Variants in MCOLN2 observed in about 807,000 individuals in gnomAD.
MCOLN2 encodes the protein mucolipin-2.
In MCOLN2, 57 loss-of-function variants were observed where a neutral mutation model predicts 67.5. The ratio of observed to expected loss-of-function variants is 0.84; its 90% CI spans 0.68 to 1.05. The LOEUF is 1.05. Ranked by LOEUF, MCOLN2 falls within the 50% of genes least tolerant of loss-of-function variation. The pLI is 0.00. For synonymous variants in MCOLN2, 246 were observed against 233.3 expected (o/e 1.05, Z -0.50); for missense variants, 620 against 678.8 (o/e 0.91, Z 0.96).
chr1:84,964,524 A>AGG (rs1649268209), intron 2 of MCOLN2, among the ~76,000 whole-genome samples: 1 of 53,016 alleles, frequency 1.9e-5, no homozygotes. Flanking sequence ...GTGGGGCAGG[A>AGG]GTGGGGGGGG....
chr1:84,982,091 A>ATTTTT (rs1650288536), intron 1 of MCOLN2, among the ~76,000 whole-genome samples: 1 of 146,132 alleles, frequency 6.8e-6, no homozygotes, highest in African/African-American at 2.7e-5. Flanking sequence ...TTTTTTTAAA[A>ATTTTT]AAAAGATGAA....
Position 84,997,047 on chromosome 1 carries a change from G to A in MCOLN2, c.-175C>T, listed in dbSNP as rs930563613. 1.8e-5 allele frequency: 11 copies of A among 613,228 alleles called. No individual in the cohort carries two copies. The highest frequency in any genetic ancestry group is 1.6e-4 in the South Asian group (8 of 50,308). 38.0% of individuals were successfully genotyped at this position (613,228 alleles called of 1,614,324 possible). On this transcript the variant is annotated 5_prime_UTR_variant, in exon 1 of 14. Transcript: ENST00000370608. ...GCGTGGTGCGCGCAGACCCCGGCCC[G>A]AGAGCAGGCGCCGCAGTCGTGGAGT...
chr1:84,956,197 CA>C (rs1359500912), intron 4 of MCOLN2, among the ~76,000 whole-genome samples: 4 of 151,908 alleles, frequency 2.6e-5, no homozygotes, highest in Non-Finnish European at 5.9e-5. Context: ...ACCCCCAAAC[CA>C]ACAATCTTGA....
At chr1:84,996,548 C>T (rs1651166488) in intron 1 of MCOLN2, among the ~76,000 whole-genome samples, 1 of 151,924 alleles carries the variant, frequency 6.6e-6, no homozygotes, top group African/African-American at 2.4e-5. Flanking sequence ...GCAGCGCCAA[C>T]CGGCTGAACT....
chr1:84,996,373 T>C (rs1651147239), intron 1 of MCOLN2, among the ~76,000 whole-genome samples: 1 of 138,862 alleles, frequency 7.2e-6, no homozygotes, highest in South Asian at 2.3e-4. Flanking sequence ...ACACACACAC[T>C]TACACATACG....
chr1:84,931,230 G>A (rs908265863), intron 12 of MCOLN2, 132 bp downstream of exon 12: 22 of 643,100 alleles, frequency 3.4e-5, no homozygotes, highest in East Asian at 1.1e-4. Flanking sequence ...CATCTCCAGC[G>A]TCTAAAAAGT....
chr1:84,927,458 T>C (rs1394033684), intron 13 of MCOLN2, among the ~76,000 whole-genome samples: 1 of 152,218 alleles, frequency 6.6e-6, no homozygotes, highest in Non-Finnish European at 1.5e-5. Context: ...GGTCATCTGG[T>C]CCATCTAAGA....
intron 1 of MCOLN2, among the ~76,000 whole-genome samples, chr1:84,971,545 CG>C (rs1384251679): frequency 6.4e-5 from 9 of 139,878 alleles, no homozygotes; most frequent in Non-Finnish European, 1.2e-4. Context: ...CACACACACA[CG>C]ATATCTTATT....
Position 84,939,652 on chromosome 1 carries a change from G to A in MCOLN2, c.1011C>T (p.Thr337=), listed in dbSNP as rs373459184. The part of the protein sequence containing the change: ...LEKYKRPVCD[T]DQWEFINGWY... Reference sequence around the variant, plus strand: ...AGCCGTTGATGAACTCCCACTGGTCGGTGTCACACACAGGCCGCTTGTACT... The same window carrying A: ...AGCCGTTGATGAACTCCCACTGGTCAGTGTCACACACAGGCCGCTTGTACT... Residue 337 remains threonine, a synonymous_variant, in exon 9 of 14, where the codon ACC becomes ACT. Coordinates refer to ENST00000370608, the MANE Select transcript of MCOLN2 (RefSeq NM_153259.4). 1.1e-4 allele frequency: 177 copies of A among 1,613,550 alleles called. No homozygotes were observed. The highest frequency in any genetic ancestry group is 1.6e-4 in the Middle Eastern group (1 of 6,082).
chr1:84,969,354 T>A (rs1649548479), intron 1 of MCOLN2, among the ~76,000 whole-genome samples: 1 of 152,088 alleles, frequency 6.6e-6, no homozygotes, highest in Non-Finnish European at 1.5e-5. Flanking sequence ...GTGGATCACC[T>A]GAGGTCAGGA....
chr1:84,967,937 T>C (rs1649466985), intron 1 of MCOLN2, among the ~76,000 whole-genome samples: 1 of 152,052 alleles, frequency 6.6e-6, no homozygotes, highest in South Asian at 2.1e-4. Flanking sequence ...AATACATTCT[T>C]CTTGAGGAGG....
At position 84,926,630 on chromosome 1, in the gene MCOLN2, C is replaced by T. The variant is rs940466490; in HGVS notation, c.*55G>A. Reference sequence around the variant, plus strand: ...TGCTTGTCCAAGTCATTTGGGGTTCCTCTGCTCAGCCGCTGGATAAGGATG... The same window carrying T: ...TGCTTGTCCAAGTCATTTGGGGTTCTTCTGCTCAGCCGCTGGATAAGGATG... On this transcript the variant is annotated 3_prime_UTR_variant, in exon 14 of 14. Transcript: ENST00000370608. 18 of 1,401,634 alleles carry T rather than the reference C, an allele frequency of 1.3e-5. No individual in the cohort carries two copies. In the East Asian group the frequency reaches 3.7e-4, roughly 29 times the overall value. The allele number at this position is 1,401,634 out of a possible 1,614,324, so 86.8% of individuals were successfully genotyped here.
intron 1 of MCOLN2, among the ~76,000 whole-genome samples, chr1:84,994,384 C>T (rs1350672841): frequency 6.6e-6 from 1 of 152,182 alleles, no homozygotes; most frequent in Non-Finnish European, 1.5e-5. Context: ...TAGATGGCAT[C>T]TCCTGCCAAT....
At chr1:84,987,569 G>C (rs550358659) in intron 1 of MCOLN2, among the ~76,000 whole-genome samples, 2 of 76,188 alleles carry the variant, frequency 2.6e-5, no homozygotes, top group Non-Finnish European at 4.8e-5. Flanking sequence ...TGTATACATA[G>C]ATGTATACAT....
intron 13 of MCOLN2, among the ~76,000 whole-genome samples, chr1:84,928,045 T>C (rs559301734): frequency 2.6e-5 from 4 of 152,222 alleles, no homozygotes; most frequent in Admixed American, 6.5e-5. Flanking sequence ...TCATTCACTC[T>C]GCAGGGTCCA....
intron 7 of MCOLN2, among the ~76,000 whole-genome samples, chr1:84,943,885 G>C (rs1557637595): frequency 6.6e-6 from 1 of 152,154 alleles, no homozygotes; most frequent in Non-Finnish European, 1.5e-5. Context: ...ACTCAAGAAA[G>C]TTATCTTGAG....
At chr1:84,974,515 A>C (rs555522197) in intron 1 of MCOLN2, among the ~76,000 whole-genome samples, 1 of 152,108 alleles carries the variant, frequency 6.6e-6, no homozygotes, top group African/African-American at 2.4e-5. Context: ...CCTGGGCAAC[A>C]CTTCTAGGCA....
At position 84,952,502 on chromosome 1, in the gene MCOLN2, G is replaced by A. The variant is rs777507894; in HGVS notation, c.594C>T (p.Leu198=). ...LDCVQLDLQD[L]SKKPPDWKNS... Reference sequence around the variant, plus strand: ...TCTTCCAGTCCGGAGGCTTCTTGGAGAGGTCCTGAAGGTCTAATTGAACAC... The same window carrying A: ...TCTTCCAGTCCGGAGGCTTCTTGGAAAGGTCCTGAAGGTCTAATTGAACAC... Residue 198 remains leucine (L), a synonymous_variant, in exon 5 of 14, where the codon CTC becomes CTT. Transcript: ENST00000370608. 7.4e-6 allele frequency: 12 copies of A among 1,612,848 alleles called. No individual in the cohort carries two copies. The highest frequency in any genetic ancestry group is 8.5e-6 in the Non-Finnish European group (10 of 1,178,946).
intron 4 of MCOLN2, among the ~76,000 whole-genome samples, chr1:84,953,430 A>G (rs1202044696): frequency 1.3e-5 from 2 of 151,952 alleles, no homozygotes; most frequent in Non-Finnish European, 2.9e-5. Context: ...TGCGCCTGTA[A>G]TCCCAGCTAC....
Sources: allele counts gnomAD v4.1 joint callset (sites outside exome capture counted in the v4.1 genomes callset), GRCh38; gene constraint gnomAD v4.1.1; transcripts MANE v1.5; gene names NCBI Gene and HGNC (gene_info 2026-07-23, HGNC 2026-07-21).